Variants in CNTNAP2 observed in about 807,000 individuals in gnomAD.
CNTNAP2 encodes the protein contactin-associated protein-like 2.
CNTNAP2 carries 98 observed loss-of-function variants against 155.2 expected under a neutral mutation model. The ratio of observed to expected loss-of-function variants is 0.63; its 90% CI spans 0.54 to 0.75. The LOEUF is 0.75. Ranked by LOEUF, CNTNAP2 falls within the 30% of genes least tolerant of loss-of-function variation. The pLI is 0.00. For missense variants in CNTNAP2, 1,727 were observed against 1,688.1 expected (o/e 1.02, Z -0.40); for synonymous variants, 651 against 631.2 (o/e 1.03, Z -0.47).
intron 1 of CNTNAP2, among the ~76,000 whole-genome samples, chr7:146,358,938 C>T (rs776506314): frequency 3.9e-5 from 6 of 152,186 alleles, no homozygotes; most frequent in Non-Finnish European, 7.3e-5. Flanking sequence ...CATCGCCTTA[C>T]TAGGATGATG....
intron 13 of CNTNAP2, among the ~76,000 whole-genome samples, chr7:147,676,219 T>C (rs1038058230): frequency 1.1e-4 from 16 of 151,994 alleles, no homozygotes; most frequent in African/African-American, 3.6e-4. Context: ...ATGAAGAATG[T>C]TTTCTTATGG....
At chr7:146,995,048 A>G (rs1202527492) in intron 3 of CNTNAP2, among the ~76,000 whole-genome samples, 1 of 151,948 alleles carries the variant, frequency 6.6e-6, no homozygotes, top group Non-Finnish European at 1.5e-5. Flanking sequence ...CTATGAGATC[A>G]TTTGTTTTTT....
intron 1 of CNTNAP2, among the ~76,000 whole-genome samples, chr7:146,551,599 G>T (rs1798123167): frequency 6.6e-6 from 1 of 151,812 alleles, no homozygotes; most frequent in African/African-American, 2.4e-5. Flanking sequence ...AAAACTTAAA[G>T]TATAATTAAA....
intron 3 of CNTNAP2, among the ~76,000 whole-genome samples, chr7:147,001,143 T>C (rs73465226): frequency 0.011 from 1,708 of 152,208 alleles, 38 homozygotes; most frequent in African/African-American, 0.039. Context: ...TGCAAAAATG[T>C]CCGTTCTACC....
At chr7:147,122,194 A>G (rs1801130812) in intron 6 of CNTNAP2, 1 of 152,188 alleles carries the variant, frequency 6.6e-6, no homozygotes. Flanking sequence ...ACAACGAAAA[A>G]AAGATGTTTG....
In CNTNAP2 at chr7:148,420,135, T is replaced by C. The variant is rs993901820; in HGVS notation, c.*4519T>C. 6.6e-6 allele frequency: 1 copy of C among 152,188 alleles called. No individual in the cohort carries two copies. The highest frequency in any genetic ancestry group is 1.5e-5 in the Non-Finnish European group (1 of 68,032). The allele number at this position is 152,188 out of a possible 1,614,324, so 9.4% of individuals were successfully genotyped here. On this transcript the variant is annotated 3_prime_UTR_variant, in exon 24 of 24. Transcript: ENST00000361727. ...AGACTAACCTGTCAACACTGGGAGA[T>C]GCAACATAGCAAAAGGACAGAGAAA... is the stretch of plus-strand genomic sequence containing the variant.
intron 14 of CNTNAP2, among the ~76,000 whole-genome samples, chr7:147,938,585 T>C (rs1175887887): frequency 1.3e-5 from 2 of 152,176 alleles, no homozygotes; most frequent in Non-Finnish European, 2.9e-5. Context: ...AAACTTTAAA[T>C]ATATTACAGG....
rs139126040 is a variant in CNTNAP2 at position 147,569,904 on chromosome 7, T to A, written c.1897+7647T>A. Reference sequence around the variant, plus strand: ...GGGTTTTACCAGAGACTTGGGATCTTCTTGGAAGTTTATTCAAGTGTTGAT... The same window carrying A: ...GGGTTTTACCAGAGACTTGGGATCTACTTGGAAGTTTATTCAAGTGTTGAT... On this transcript the variant is annotated intron_variant, in intron 12 of 23. Transcript: ENST00000361727. Among the ~76,000 whole-genome samples the A allele has an allele frequency of 2.4e-3, 362 of 152,324 alleles. 2 individuals carry two copies. Among genetic ancestry groups the A allele is most frequent in the African/African-American group, 8.2e-3 (343 of 41,578 alleles).
intron 10 of CNTNAP2, among the ~76,000 whole-genome samples, chr7:147,420,342 T>C (rs888307679): frequency 2.0e-5 from 3 of 152,192 alleles, no homozygotes; most frequent in African/African-American, 7.2e-5. Flanking sequence ...AAGTACATCT[T>C]GAGTACCACA....
chr7:146,753,760 G>T lies in CNTNAP2; in HGVS notation c.98-20511G>T, dbSNP rs574619135. ...CATCTTTTAGAACATTTATTTACCA[G>T]TTCTCTTGTATTTTTCTCAGCTGTC... On this transcript the variant is annotated intron_variant, in intron 1 of 23. Transcript: ENST00000361727. 4.5e-4 allele frequency among the ~76,000 whole-genome samples: 68 copies of T among 151,870 alleles called. 1 individual carries two copies. The highest frequency in any genetic ancestry group is 4.5e-3 in the Admixed American group (68 of 15,246).
intron 1 of CNTNAP2, chr7:146,208,899 A>G (rs1040887416): frequency 2.6e-5 from 4 of 152,138 alleles, no homozygotes; most frequent in African/African-American, 9.7e-5. Context: ...TCCAAGATAA[A>G]AATAACTGCT....
intron 4 of CNTNAP2, among the ~76,000 whole-genome samples, chr7:147,072,288 C>T (rs1290315977): frequency 6.6e-6 from 1 of 151,912 alleles, no homozygotes; most frequent in East Asian, 1.9e-4. Context: ...TTGACAAATC[C>T]TGCAATAGAT....
chr7:146,916,125 G>T (rs894746045), intron 3 of CNTNAP2, among the ~76,000 whole-genome samples: 1 of 152,034 alleles, frequency 6.6e-6, no homozygotes. Flanking sequence ...CACATTTATT[G>T]ACTTGTTGAT....
chr7:146,704,341 A>G (rs867279174), intron 1 of CNTNAP2, among the ~76,000 whole-genome samples: 41 of 152,244 alleles, frequency 2.7e-4, no homozygotes, highest in African/African-American at 9.9e-4. Context: ...AAGGAGAATA[A>G]GAGAAAGTTT....
intron 2 of CNTNAP2, among the ~76,000 whole-genome samples, chr7:146,825,437 C>G (rs1227031900): frequency 6.6e-6 from 1 of 152,090 alleles, no homozygotes. Context: ...GGGAATCACT[C>G]ACTATGCATG....
chr7:148,040,328 C>T (rs1445380319), intron 15 of CNTNAP2, among the ~76,000 whole-genome samples: 1 of 152,194 alleles, frequency 6.6e-6, no homozygotes, highest in African/African-American at 2.4e-5. Flanking sequence ...ACGGAGAGAT[C>T]TCTCTTCTAC....
intron 1 of CNTNAP2, among the ~76,000 whole-genome samples, chr7:146,392,651 C>T (rs2058375): frequency 0.49 from 75,162 of 152,022 alleles, 20,251 homozygotes; most frequent in African/African-American, 0.71. Context: ...TAGTAAAACC[C>T]TAAGCATCAC....
intron 1 of CNTNAP2, among the ~76,000 whole-genome samples, chr7:146,623,240 T>C (rs1471307145): frequency 6.6e-6 from 1 of 152,194 alleles, no homozygotes; most frequent in Admixed American, 6.5e-5. Flanking sequence ...AGATTATTTT[T>C]TTCACATTCT....
intron 8 of CNTNAP2, among the ~76,000 whole-genome samples, chr7:147,149,429 G>A (rs768145601): frequency 1.8e-4 from 28 of 152,102 alleles, no homozygotes; most frequent in Non-Finnish European, 4.1e-4. Flanking sequence ...AAGTCCAGCT[G>A]GCTTCACCTC....
Sources: gnomAD v4.1 joint callset for allele counts (sites outside exome capture counted in the v4.1 genomes callset) on GRCh38, gnomAD v4.1.1 for gene constraint, MANE v1.5 for transcripts, NCBI Gene and HGNC (gene_info 2026-07-23, HGNC 2026-07-21) for gene names.